Variants in NRXN2 observed in about 807,000 individuals in gnomAD.
NRXN2 encodes neurexin-2-beta.
NRXN2 carries 29 observed loss-of-function variants against 128.8 expected under a neutral mutation model. The ratio of observed to expected loss-of-function variants is 0.23; its 90% CI spans 0.17 to 0.31. NRXN2 has a LOEUF of 0.31. Among genes scored for constraint, NRXN2 ranks in the 10% least tolerant of loss-of-function variants. NRXN2 has a pLI of 1.00. For synonymous variants in NRXN2, 1,098 were observed against 1,075.2 expected, an observed-to-expected ratio of 1.02 and a Z score of -0.41; for missense variants, 1,881 against 2,452.6, an observed-to-expected ratio of 0.77 and a Z score of 4.92.
Position 64,635,448 on chromosome 11 carries a change from C to T in NRXN2, c.3408G>A (p.Gly1136=). The T allele has an allele frequency of 6.2e-7, 1 of 1,613,706 alleles. No homozygotes were observed. The highest frequency in any genetic ancestry group is 8.5e-7 in the Non-Finnish European group (1 of 1,179,980). ...CCCCCTTCCCAAAGATGTATGTGGTCCCGGCTGCAGAGAGAAGGAAAGGGA... is the reference window on the plus strand; with the variant it reads ...CCCCCTTCCCAAAGATGTATGTGGTTCCGGCTGCAGAGAGAAGGAAAGGGA... The part of the protein sequence containing the change: ...SYGGPVCNDP[G]TTYIFGKGGA... The change falls in exon 18 of 23, where the codon GGG becomes GGA. Residue 1136 remains glycine (G), a synonymous_variant. Transcript: ENST00000265459. The surrounding 1 kb of genome is among the most constrained non-coding windows in gnomAD (Gnocchi z 4.8).
intron 5 of NRXN2, chr11:64,688,790 T>C (rs2053439493): frequency 3.0e-6 from 3 of 985,326 alleles, no homozygotes; most frequent in South Asian, 4.7e-5. Context: ...CTGAGAACCA[T>C]GCATGAGGGA....
chr11:64,620,262 C>A, intron 22 of NRXN2, 32 bp downstream of exon 22: 2 of 1,524,580 alleles, frequency 1.3e-6, no homozygotes, highest in Non-Finnish European at 1.8e-6. Context: ...CGCAGAGGGA[C>A]CCGGGGCAGG....
At chr11:64,620,229 A>AGTC in intron 22 of NRXN2, 65 bp downstream of exon 22, 1 of 1,316,184 alleles carries the variant, frequency 7.6e-7, no homozygotes, top group South Asian at 1.3e-5. Flanking sequence ...TGGCAGGGAC[A>AGTC]GTCGCCCCCC....
chr11:64,608,720 C>G (rs1034709868), intron 22 of NRXN2, among the ~76,000 whole-genome samples: 2 of 152,148 alleles, frequency 1.3e-5, no homozygotes, highest in Non-Finnish European at 2.9e-5. Flanking sequence ...CTCTCTGCTC[C>G]CTGCGCATCC....
intron 5 of NRXN2, among the ~76,000 whole-genome samples, chr11:64,686,742 G>A (rs377458465): frequency 6.6e-6 from 1 of 152,236 alleles, no homozygotes; most frequent in East Asian, 1.9e-4. Context: ...TGTGCCCAGA[G>A]AGTAACAGGG....
intron 4 of NRXN2, among the ~76,000 whole-genome samples, chr11:64,691,546 C>T (rs546540218): frequency 2.6e-5 from 4 of 152,166 alleles, no homozygotes; most frequent in Non-Finnish European, 5.9e-5. Flanking sequence ...TTGCAAATCC[C>T]CAAACTTGAA....
chr11:64,618,125 C>A (rs575836637), intron 22 of NRXN2, among the ~76,000 whole-genome samples: 45 of 152,344 alleles, frequency 3.0e-4, no homozygotes, highest in African/African-American at 9.1e-4. Flanking sequence ...GACCCGCCTG[C>A]TTCAGCGCCT....
rs2048972786 is a variant in NRXN2 at position 64,661,137 on chromosome 11, A to C, written c.1801T>G (p.Ser601Ala). Residue 601 changes from serine (S) to alanine (A), a missense_variant and splice_region_variant, in exon 10 of 23, where the codon TCC becomes GCC. Coordinates refer to ENST00000265459, the MANE Select transcript of NRXN2 (RefSeq NM_015080.4). ...VDFQRDGRKG[S>A]ISVNSRSTPF... ...GTGCTGCGACTATTCACTGAGATGG[A>C]GCCTGGGAATCAAGGGAAGGCAGGA... 1 of 1,613,494 alleles carries C rather than the reference A, an allele frequency of 6.2e-7. No homozygotes were observed. The highest frequency in any genetic ancestry group is 1.3e-5 in the African/African-American group (1 of 75,052).
chr11:64,685,500 A>T, intron 6 of NRXN2, 146 bp downstream of exon 6: 1 of 1,092,824 alleles, frequency 9.2e-7, no homozygotes, highest in African/African-American at 1.5e-5. Context: ...CGGGACCCTC[A>T]CAGCCCCAAC....
chr11:64,696,428 G>A (rs1277236604), intron 3 of NRXN2, among the ~76,000 whole-genome samples: 2 of 151,942 alleles, frequency 1.3e-5, no homozygotes, highest in African/African-American at 4.8e-5. Flanking sequence ...CATGTTACGT[G>A]TACACAGCAT....
At chr11:64,641,632 G>A (rs1565262474) in intron 17 of NRXN2, among the ~76,000 whole-genome samples, 1 of 151,956 alleles carries the variant, frequency 6.6e-6, no homozygotes, top group Admixed American at 6.6e-5. Flanking sequence ...GTGATGGGGG[G>A]CCTGAGATGG....
At chr11:64,650,035 G>C (rs2047245796) in intron 15 of NRXN2, among the ~76,000 whole-genome samples, 1 of 152,054 alleles carries the variant, frequency 6.6e-6, no homozygotes, top group South Asian at 2.1e-4. Flanking sequence ...GTGACTCGGG[G>C]ACTCTAGCTC....
intron 2 of NRXN2, among the ~76,000 whole-genome samples, chr11:64,705,532 C>T (rs1381184444): frequency 6.6e-6 from 1 of 152,008 alleles, no homozygotes; most frequent in Non-Finnish European, 1.5e-5. Flanking sequence ...CCTCCTCCTC[C>T]CAGCTGTCTG....
chr11:64,661,920 G>A (rs1645178417), intron 9 of NRXN2, among the ~76,000 whole-genome samples: 1 of 152,134 alleles, frequency 6.6e-6, no homozygotes, highest in Non-Finnish European at 1.5e-5. Context: ...GAGAAAGGAG[G>A]TAGGCACAGA....
chr11:64,617,205 A>G (rs1168650065), intron 22 of NRXN2, among the ~76,000 whole-genome samples: 1 of 151,692 alleles, frequency 6.6e-6, no homozygotes, highest in Non-Finnish European at 1.5e-5. Context: ...GGCCCATGTG[A>G]GCTTGCTGGT....
At chr11:64,709,466 G>A (rs993609176) in intron 2 of NRXN2, among the ~76,000 whole-genome samples, 2 of 151,908 alleles carry the variant, frequency 1.3e-5, no homozygotes, top group Admixed American at 6.6e-5. Flanking sequence ...AGGAAATAAG[G>A]AACAAATAGA....
At chr11:64,636,169 T>G (rs1443692165) in intron 17 of NRXN2, among the ~76,000 whole-genome samples, 6 of 147,564 alleles carry the variant, frequency 4.1e-5, no homozygotes, top group Admixed American at 4.0e-4. Flanking sequence ...GAGAGACAGA[T>G]GGACAGAGAA....
intron 14 of NRXN2, 123 bp from the exon 15 acceptor site, chr11:64,650,761 C>A: frequency 4.2e-6 from 4 of 944,760 alleles, no homozygotes; most frequent in Non-Finnish European, 6.6e-6. Flanking sequence ...GAAAGGGAGA[C>A]CCCAGAGGAG....
At chr11:64,694,512 G>C (rs1754089946) in intron 3 of NRXN2, among the ~76,000 whole-genome samples, 1 of 152,192 alleles carries the variant, frequency 6.6e-6, no homozygotes, top group Admixed American at 6.5e-5. Flanking sequence ...CATGTCTCTA[G>C]GGTGGCACTG....
Sources: allele counts gnomAD v4.1 joint callset (sites outside exome capture counted in the v4.1 genomes callset), GRCh38; gene constraint gnomAD v4.1.1; non-coding constraint Gnocchi (gnomAD v3.1); transcripts MANE v1.5; gene names NCBI Gene and HGNC (gene_info 2026-07-23, HGNC 2026-07-21).